PGCKA1: variants seen among roughly 807,000 people sequenced by gnomAD.
PGCKA1 encodes the protein PDCD10 and GCKIII kinases-associated protein 1.
the PGCKA1 span, among the ~76,000 whole-genome samples, chr4:37,465,225 C>T: frequency 6.6e-6 from 1 of 151,518 alleles, no homozygotes. Flanking sequence ...AACCTAGTGC[C>T]ACAAAAAGCT....
the PGCKA1 span, among the ~76,000 whole-genome samples, chr4:37,477,329 C>A: frequency 1.3e-5 from 2 of 152,094 alleles, no homozygotes; most frequent in Non-Finnish European, 1.5e-5. Context: ...CATTTATATG[C>A]AAGGTCAAGA....
the PGCKA1 span, among the ~76,000 whole-genome samples, chr4:37,493,316 G>A: frequency 1.3e-5 from 2 of 152,102 alleles, no homozygotes; most frequent in African/African-American, 4.8e-5. Flanking sequence ...GTGAATTACA[G>A]TATTTAATAA....
chr4:37,564,867 C>T, the PGCKA1 span, among the ~76,000 whole-genome samples: 31 of 152,182 alleles, frequency 2.0e-4, 1 homozygote, highest in South Asian at 5.8e-3. Context: ...TTGTTAGAAA[C>T]ACAGGCTGTC....
the PGCKA1 span, among the ~76,000 whole-genome samples, chr4:37,550,346 GA>G: frequency 2.0e-5 from 3 of 148,788 alleles, no homozygotes; most frequent in Admixed American, 1.3e-4. Flanking sequence ...CTCTAGACTG[GA>G]AAAAAAAGTT....
the PGCKA1 span, among the ~76,000 whole-genome samples, chr4:37,465,431 C>G: frequency 6.6e-6 from 1 of 151,878 alleles, no homozygotes; most frequent in Non-Finnish European, 1.5e-5. Context: ...GAAGGGATGT[C>G]CAGCTGGGAT....
At chr4:37,557,353 A>T in the PGCKA1 span, among the ~76,000 whole-genome samples, 1 of 152,222 alleles carries the variant, frequency 6.6e-6, no homozygotes, top group South Asian at 2.1e-4. Flanking sequence ...CAATAGTAAT[A>T]ACAACTAGAA....
At chr4:37,512,320 G>A in the PGCKA1 span, among the ~76,000 whole-genome samples, 1 of 152,100 alleles carries the variant, frequency 6.6e-6, no homozygotes, top group Non-Finnish European at 1.5e-5. Flanking sequence ...CACTCCCCAA[G>A]CATTACAGTT....
chr4:37,520,826 C>G, the PGCKA1 span, among the ~76,000 whole-genome samples: 2 of 152,124 alleles, frequency 1.3e-5, no homozygotes, highest in Admixed American at 6.5e-5. Flanking sequence ...AGCATATTAG[C>G]CAGGATGGTC....
At chr4:37,464,665 G>A in the PGCKA1 span, among the ~76,000 whole-genome samples, 8 of 152,292 alleles carry the variant, frequency 5.3e-5, no homozygotes, top group Admixed American at 2.6e-4. Flanking sequence ...AAAGCCACAC[G>A]AAATAGCAGG....
chr4:37,535,464 TG>T, the PGCKA1 span, among the ~76,000 whole-genome samples: 1 of 151,834 alleles, frequency 6.6e-6, no homozygotes, highest in South Asian at 2.1e-4. Context: ...ACAGATGGAG[TG>T]GGGGGCCACA....
the PGCKA1 span, among the ~76,000 whole-genome samples, chr4:37,538,159 G>A: frequency 6.6e-6 from 1 of 152,042 alleles, no homozygotes; most frequent in Non-Finnish European, 1.5e-5. Flanking sequence ...ACTGGGACTG[G>A]ATCCAGTGAA....
the PGCKA1 span, among the ~76,000 whole-genome samples, chr4:37,484,426 G>A: frequency 7.2e-5 from 11 of 152,164 alleles, no homozygotes; most frequent in South Asian, 6.2e-4. Context: ...TACCTCCCAC[G>A]GGGTTCCTCC....
At chr4:37,536,984 G>A in the PGCKA1 span, among the ~76,000 whole-genome samples, 4 of 152,192 alleles carry the variant, frequency 2.6e-5, no homozygotes, top group South Asian at 2.1e-4. Flanking sequence ...GCAGAGTGAC[G>A]GACTCATGGC....
the PGCKA1 span, among the ~76,000 whole-genome samples, chr4:37,555,243 A>G: frequency 6.6e-6 from 1 of 152,284 alleles, no homozygotes; most frequent in East Asian, 1.9e-4. Flanking sequence ...TCATACTCTC[A>G]GTGCTTAGCA....
chr4:37,591,218 C>G, the PGCKA1 span: 5 of 454,994 alleles, frequency 1.1e-5, no homozygotes, highest in Non-Finnish European at 1.9e-5. Flanking sequence ...ATTCAGGACA[C>G]TAGGAGAAAA....
At chr4:37,537,599 T>G in the PGCKA1 span, among the ~76,000 whole-genome samples, 11 of 152,304 alleles carry the variant, frequency 7.2e-5, no homozygotes, top group East Asian at 1.5e-3. Flanking sequence ...GTCCTGTCAG[T>G]GCGGCTCTGG....
the PGCKA1 span, among the ~76,000 whole-genome samples, chr4:37,498,739 T>C: frequency 7.9e-5 from 12 of 152,190 alleles, no homozygotes; most frequent in Non-Finnish European, 1.2e-4. Flanking sequence ...ACTGAGACTG[T>C]GGGGTTTTCT....
At chr4:37,531,333 A>G in the PGCKA1 span, among the ~76,000 whole-genome samples, 1 of 152,144 alleles carries the variant, frequency 6.6e-6, no homozygotes, top group East Asian at 1.9e-4. Context: ...TGGAAACTTC[A>G]TACCAGACAT....
the PGCKA1 span, among the ~76,000 whole-genome samples, chr4:37,477,433 G>C: frequency 1.3e-5 from 2 of 152,126 alleles, no homozygotes; most frequent in Non-Finnish European, 2.9e-5. Context: ...ATGGCTATGG[G>C]ATATCTTTTG....
Sources: allele counts gnomAD v4.1 joint callset (sites outside exome capture counted in the v4.1 genomes callset), GRCh38; gene constraint gnomAD v4.1.1; transcripts MANE v1.5; gene names NCBI Gene and HGNC (gene_info 2026-07-23, HGNC 2026-07-21).